GPM6A: variants seen among roughly 807,000 people sequenced by gnomAD.
GPM6A encodes the protein neuronal membrane glycoprotein M6-a.
GPM6A carries 7 observed loss-of-function variants against 32.1 expected under a neutral mutation model. The observed-to-expected ratio is 0.22, with a 90% CI of 0.12 to 0.41. The LOEUF is 0.41. GPM6A is among the 10% of genes least tolerant of loss of function. GPM6A has a pLI of 1.00. For synonymous variants in GPM6A, 130 were observed against 123.4 expected (o/e 1.05, Z -0.35); for missense variants, 235 against 347.2 (o/e 0.68, Z 2.57).
rs1283649445 is a variant in GPM6A, at chr4:175,673,819, T to C, written c.248A>G (p.Tyr83Cys). 2.5e-6 allele frequency: 4 copies of C among 1,601,182 alleles called. No individual in the cohort carries two copies. The highest frequency in any genetic ancestry group is 2.2e-5 in the South Asian group (2 of 89,704). The change falls in exon 3 of 7, where the codon TAT becomes TGT. Residue 83 changes from tyrosine to cysteine, a missense_variant. By Grantham distance (194) the Tyr-to-Cys change is radical. Coordinates refer to ENST00000393658, the MANE Select transcript of GPM6A (RefSeq NM_201591.3). ...CGCAGCTGCGATGCCGTAGATCACA[T>C]ACTTAAAGATGTCAATCCTGAGAGA... ...DVFTMIDIFKYVIYGIAAAFF... is the reference protein window; with the variant it reads ...DVFTMIDIFKCVIYGIAAAFF...
intron 1 of GPM6A, among the ~76,000 whole-genome samples, chr4:175,808,357 AC>A (rs1445422288): frequency 6.6e-6 from 1 of 152,212 alleles, no homozygotes; most frequent in Admixed American, 6.6e-5. Flanking sequence ...TCTCTTGTCA[AC>A]AATAATTGTA....
At chr4:175,758,440 A>G (rs1732616018) in intron 1 of GPM6A, among the ~76,000 whole-genome samples, 1 of 152,156 alleles carries the variant, frequency 6.6e-6, no homozygotes, top group African/African-American at 2.4e-5. Context: ...GCCAGATTCA[A>G]TTAAATCTGT....
At chr4:175,906,505 TCTC>T (rs1380232765) in intron 1 of GPM6A, 2 of 152,074 alleles carry the variant, frequency 1.3e-5, no homozygotes, top group Non-Finnish European at 2.9e-5. Context: ...CTTATTTTTC[TCTC>T]CTCATTATTT....
At chr4:175,656,352 C>T (rs1402626165) in intron 3 of GPM6A, among the ~76,000 whole-genome samples, 2 of 152,114 alleles carry the variant, frequency 1.3e-5, no homozygotes, top group Non-Finnish European at 2.9e-5. Flanking sequence ...TCTGGCAAAA[C>T]AAGCATCCTC....
chr4:175,891,658 C>G (rs59209459), intron 1 of GPM6A: 1 of 152,126 alleles, frequency 6.6e-6, no homozygotes, highest in Non-Finnish European at 1.5e-5. Context: ...AAAAGTCATT[C>G]TAATTTCAGG....
rs531636710 is a variant in GPM6A, at chr4:175,931,533, G to A, written c.-23+70776C>T. On this transcript the variant is annotated intron_variant, in intron 1 of 7. Transcript: ENST00000280187. ...AACAAAACATTATTTTTAAAATGTT[G>A]AAGAAATAAAAAAACTGTCAATCTC... Among the ~76,000 whole-genome samples the A allele has an allele frequency of 2.0e-4, 31 of 151,950 alleles. 1 individual carries two copies. The highest frequency in any genetic ancestry group is 4.2e-4 in the South Asian group (2 of 4,814).
At chr4:175,879,577 G>A (rs79231558) in intron 1 of GPM6A, among the ~76,000 whole-genome samples, 2,519 of 152,110 alleles carry the variant, frequency 0.017, 66 homozygotes, top group African/African-American at 0.055. Flanking sequence ...ACAGTATGGC[G>A]GAAACTGTCC....
chr4:175,775,148 T>C (rs1275127315), intron 1 of GPM6A, among the ~76,000 whole-genome samples: 2 of 152,138 alleles, frequency 1.3e-5, no homozygotes, highest in Non-Finnish European at 2.9e-5. Flanking sequence ...AGAATTGCTC[T>C]AGAACACTGC....
intron 1 of GPM6A, among the ~76,000 whole-genome samples, chr4:175,880,713 C>T (rs1560977293): frequency 6.6e-6 from 1 of 152,102 alleles, no homozygotes; most frequent in Admixed American, 6.6e-5. Flanking sequence ...TATAAGACTG[C>T]TTGTGATTTT....
chr4:175,946,162 T>A (rs964039256), intron 1 of GPM6A, among the ~76,000 whole-genome samples: 3 of 152,140 alleles, frequency 2.0e-5, no homozygotes, highest in Admixed American at 1.3e-4. Context: ...ATTAAAAAAA[T>A]TAAACTTCAT....
At chr4:175,817,463 A>C (rs527982102) in intron 1 of GPM6A, among the ~76,000 whole-genome samples, 2 of 152,232 alleles carry the variant, frequency 1.3e-5, no homozygotes, top group East Asian at 3.8e-4. Flanking sequence ...ACGCTGAATG[A>C]CAAGTGCTAC....
chr4:175,651,969 G>C lies in GPM6A; in HGVS notation c.406C>G (p.Leu136Val). 1 of 1,611,840 alleles carries C rather than the reference G, an allele frequency of 6.2e-7. No individual in the cohort carries two copies. Among genetic ancestry groups the C allele is most frequent in the Non-Finnish European group, 8.5e-7 (1 of 1,178,944 alleles). The part of the protein sequence containing the change: ...VSAWFIMLTY[L>V]FMLAWLGVTA... ...ACTCCCAGCCAGGCCAACATGAAAAGATATGTCAGCATAATGAACTGCAAA... is the reference window on the plus strand; with the variant it reads ...ACTCCCAGCCAGGCCAACATGAAAACATATGTCAGCATAATGAACTGCAAA... The change falls in exon 4 of 7, where the codon CTT becomes GTT. Residue 136 changes from leucine to valine, a missense_variant. Physicochemically the swap from Leu to Val is conservative, Grantham distance 32. Around this residue, in one of 3 missense-constraint regions of GPM6A, gnomAD observed 101 missense variants for 171.2 expected, o/e 0.59. Coordinates refer to ENST00000393658, the MANE Select transcript of GPM6A (RefSeq NM_201591.3).
chr4:175,958,206 T>C (rs1740050923), intron 1 of GPM6A, among the ~76,000 whole-genome samples: 1 of 152,240 alleles, frequency 6.6e-6, no homozygotes, highest in African/African-American at 2.4e-5. Context: ...TTCCAAGTAA[T>C]TGTGAATGCT....
At chr4:175,687,905 A>T (rs1453065988) in intron 2 of GPM6A, among the ~76,000 whole-genome samples, 1 of 152,112 alleles carries the variant, frequency 6.6e-6, no homozygotes, top group Admixed American at 6.6e-5. Context: ...ACAGCTCATT[A>T]TGGTTTTGAT....
intron 1 of GPM6A, among the ~76,000 whole-genome samples, chr4:175,966,393 A>G (rs903812991): frequency 2.0e-5 from 3 of 151,114 alleles, no homozygotes; most frequent in Non-Finnish European, 4.4e-5. Context: ...ACAGAGCAAG[A>G]TTCTGTCTCA....
chr4:175,698,999 T>G (rs1458506537), intron 2 of GPM6A, among the ~76,000 whole-genome samples: 1 of 152,194 alleles, frequency 6.6e-6, no homozygotes, highest in Non-Finnish European at 1.5e-5. Context: ...AAGCATCTAT[T>G]GCCATTCATT....
chr4:175,662,571 G>C (rs1416934632), intron 3 of GPM6A, among the ~76,000 whole-genome samples: 1 of 152,090 alleles, frequency 6.6e-6, no homozygotes, highest in Non-Finnish European at 1.5e-5. Context: ...CTGCACTCCA[G>C]CCTGGGCAAC....
chr4:175,935,452 G>A (rs1483440888), intron 1 of GPM6A, among the ~76,000 whole-genome samples: 1 of 152,112 alleles, frequency 6.6e-6, no homozygotes, highest in Non-Finnish European at 1.5e-5. Context: ...GTCCTGCCCA[G>A]CTGAATATTC....
intron 1 of GPM6A, among the ~76,000 whole-genome samples, chr4:175,789,427 C>T (rs967888905): frequency 2.0e-5 from 3 of 152,088 alleles, no homozygotes; most frequent in African/African-American, 7.2e-5. Flanking sequence ...ATTGCAGAAG[C>T]TGTAAATCCA....
Sources: gnomAD v4.1 joint callset for allele counts (sites outside exome capture counted in the v4.1 genomes callset) on GRCh38, gnomAD v4.1.1 for gene constraint, gnomAD v4.1.1 regional missense constraint, MANE v1.5 for transcripts, NCBI Gene and HGNC (gene_info 2026-07-23, HGNC 2026-07-21) for gene names.